The following PARVG variants were observed in gnomAD, a reference collection of about 807,000 sequenced individuals.
PARVG encodes the protein parvin gamma.
A neutral mutation model predicts 44.4 loss-of-function variants in PARVG; 36 were observed. The ratio of observed to expected loss-of-function variants is 0.81; its 90% CI spans 0.62 to 1.07. The LOEUF is 1.07. PARVG is among the 50% of genes least tolerant of loss of function. The pLI, the probability that PARVG is intolerant of heterozygous loss-of-function variation, is 0.00. For missense variants in PARVG, 407 were observed against 407.4 expected, an observed-to-expected ratio of 1.00 and a Z score of 0.01; for synonymous variants, 170 against 174.1, an observed-to-expected ratio of 0.98 and a Z score of 0.19.
In PARVG at chr22:44,201,962, G is replaced by C. The variant is rs757263360; in HGVS notation, c.813+3240G>C. On this transcript the variant is annotated intron_variant, in intron 12 of 13. Transcript: ENST00000444313. ...GCAGGCTGCCACTTCCATCGAAGCA[G>C]GCCCTGTGGCCTTGACAGTGACATG... is the stretch of plus-strand genomic sequence containing the variant. 7.2e-4 allele frequency among the ~76,000 whole-genome samples: 110 copies of C among 152,254 alleles called. 1 individual carries two copies. Among genetic ancestry groups the C allele is most frequent in the Non-Finnish European group, 1.5e-3 (102 of 68,044 alleles).
At position 44,189,154 on chromosome 22, in the gene PARVG, C is replaced by T. The variant is rs2147225868; in HGVS notation, c.288C>T (p.Ala96=). ...AALKLEAEDI[A]LTATSQKHKL... is the part of the protein sequence containing the mutation. Reference sequence around the variant, plus strand: ...TCAAGCTGGAAGCAGAGGACATCGCCCTGACAGCCACAAGCCAGAAGCACA... The same window carrying T: ...TCAAGCTGGAAGCAGAGGACATCGCTCTGACAGCCACAAGCCAGAAGCACA... The change falls in exon 6 of 14, where the codon GCC becomes GCT. Residue 96 remains alanine (A), a synonymous_variant. Transcript: ENST00000444313. 6.2e-7 allele frequency: 1 copy of T among 1,614,142 alleles called. No individual in the cohort carries two copies. Among genetic ancestry groups the T allele is most frequent in the Middle Eastern group, 1.6e-4 (1 of 6,062 alleles).
Position 44,205,825 on chromosome 22 carries a change from T to C in PARVG, c.882T>C (p.Pro294=). 6.2e-7 allele frequency: 1 copy of C among 1,612,950 alleles called. No individual in the cohort carries two copies. Among genetic ancestry groups the C allele is most frequent in the Non-Finnish European group, 8.5e-7 (1 of 1,179,856 alleles). The change falls in exon 13 of 14, where the codon CCT becomes CCC. Residue 294 remains proline, a synonymous_variant. Transcript: ENST00000444313. ...GCCTGCTCAGCTGCCCTGTCAGCCC[T>C]GAAGGTGAGTGCAAGGCAGATGCCC... The part of the protein sequence containing the change: ...DEGLLSCPVS[P]EDIVNKDAKS...
At chr22:44,174,403 T>TAA (rs2054299123) in intron 1 of PARVG, among the ~76,000 whole-genome samples, 1 of 152,064 alleles carries the variant, frequency 6.6e-6, no homozygotes, top group African/African-American at 2.4e-5. Context: ...TTGTCTATTA[T>TAA]AAAAATTGGT....
rs373680630 is a variant in PARVG at position 44,181,725 on chromosome 22, C to G, written c.-188-17C>G. The G allele has an allele frequency of 5.2e-5, 51 of 985,408 alleles. No individual in the cohort carries two copies. In the East Asian group the frequency reaches 1.1e-3, roughly 22 times the overall value. 61.0% of individuals were successfully genotyped at this position (985,408 alleles called of 1,614,324 possible). A position where few individuals can be genotyped will look rare whatever the true frequency, so the allele number is the denominator to read the frequency against. On this transcript the variant is annotated splice_polypyrimidine_tract_variant and intron_variant, in intron 1 of 13. Coordinates refer to ENST00000444313, the MANE Select transcript of PARVG (RefSeq NM_022141.7). ...CTTCACTTTCACGGCATCCACCCCC[C>G]TCGGGCCCTGCCGCAGAGAGGAGGA...
At chr22:44,200,260 G>A (rs1445589524) in intron 12 of PARVG, among the ~76,000 whole-genome samples, 1 of 152,222 alleles carries the variant, frequency 6.6e-6, no homozygotes, top group Non-Finnish European at 1.5e-5. Flanking sequence ...AGGAAAGAGA[G>A]GTCCACGGGC....
intron 12 of PARVG, among the ~76,000 whole-genome samples, chr22:44,202,381 C>T (rs775897367): frequency 7.9e-5 from 12 of 152,192 alleles, no homozygotes; most frequent in South Asian, 4.1e-4. Flanking sequence ...GCCTGGGGCT[C>T]GGAACCCAGC....
In PARVG at chr22:44,181,387, T is replaced by A. The variant is rs558132112; in HGVS notation, c.-189+202T>A. The A allele has an allele frequency of 6.7e-5, 66 of 985,184 alleles. 1 individual carries two copies. The South Asian group carries it at 2.8e-3, about 41-fold the overall frequency. The allele number at this position is 985,184 out of a possible 1,614,324, so 61.0% of individuals were successfully genotyped here. On this transcript the variant is annotated intron_variant, in intron 1 of 13. Coordinates refer to ENST00000444313, the MANE Select transcript of PARVG (RefSeq NM_022141.7). The stretch of plus-strand genomic sequence containing the variant: ...AGAGTCCAGGTAGGAGTCTCCTGCG[T>A]GGTCCCGGGAGAGGAAGGGGCCTGG...
chr22:44,177,078 C>G (rs1286667830), upstream of PARVG, among the ~76,000 whole-genome samples: 3 of 152,104 alleles, frequency 2.0e-5, no homozygotes, highest in Admixed American at 1.3e-4. Context: ...GGGGACATAG[C>G]CAAACCATAT....
chr22:44,190,086 C>A (rs1189352072), intron 6 of PARVG, among the ~76,000 whole-genome samples: 2 of 152,154 alleles, frequency 1.3e-5, no homozygotes, highest in Non-Finnish European at 2.9e-5. Context: ...CAAGGTTGGG[C>A]GGTGAGGATT....
intron 12 of PARVG, among the ~76,000 whole-genome samples, chr22:44,202,076 C>T (rs1004577250): frequency 6.6e-6 from 1 of 152,242 alleles, no homozygotes; most frequent in Non-Finnish European, 1.5e-5. Flanking sequence ...AGCAAATCCT[C>T]ATGTTGGGTC....
rs766491660 is a variant in PARVG, at chr22:44,205,837, C to A, written c.886+8C>A. 6.2e-7 allele frequency: 1 copy of A among 1,612,462 alleles called. No individual in the cohort carries two copies. The highest frequency in any genetic ancestry group is 1.7e-5 in the Admixed American group (1 of 59,924). ...GCCCTGTCAGCCCTGAAGGTGAGTGCAAGGCAGATGCCCACACGGTGGCCA... is the reference window on the plus strand; with the variant it reads ...GCCCTGTCAGCCCTGAAGGTGAGTGAAAGGCAGATGCCCACACGGTGGCCA... On this transcript the variant is annotated splice_region_variant and intron_variant, in intron 13 of 13. Coordinates refer to ENST00000444313, the MANE Select transcript of PARVG (RefSeq NM_022141.7).
Position 44,193,687 on chromosome 22 carries a change from A to G in PARVG, c.561-114A>G, listed in dbSNP as rs2054580376. 3.7e-6 allele frequency: 5 copies of G among 1,349,962 alleles called. No individual in the cohort carries two copies. The East Asian group carries it at 1.2e-4, about 32-fold the overall frequency. 83.6% of individuals were successfully genotyped at this position (1,349,962 alleles called of 1,614,324 possible). On this transcript the variant is annotated intron_variant, in intron 8 of 13. Coordinates refer to ENST00000444313, the MANE Select transcript of PARVG (RefSeq NM_022141.7). ...CAAAGCTGCCAGGAAAACCACAAGC[A>G]TGCCAGTTTCTTTGCAACCTTGCCA...
chr22:44,200,845 A>C lies in PARVG; in HGVS notation c.813+2123A>C, dbSNP rs767996329. 2.8e-4 allele frequency among the ~76,000 whole-genome samples: 42 copies of C among 149,146 alleles called. 1 individual carries two copies. Among genetic ancestry groups the C allele is most frequent in the Middle Eastern group, 3.4e-3 (1 of 294 alleles). On this transcript the variant is annotated intron_variant, in intron 12 of 13. Transcript: ENST00000444313. ...GAGGTCCCCCCTGGACCCCTACCAG[A>C]CTCCCCCTCCACCTAGGCCCTTCTT...
At chr22:44,186,674 T>G (rs186391677) in intron 4 of PARVG, 2 of 470,974 alleles carry the variant, frequency 4.2e-6, no homozygotes, top group East Asian at 6.9e-5. Context: ...CAGCTCGGTC[T>G]CCTCCACAGG....
intron 5 of PARVG, chr22:44,188,170 G>A: frequency 2.3e-6 from 1 of 442,420 alleles, no homozygotes; most frequent in South Asian, 2.5e-5. Context: ...CTGTTTTGAG[G>A]TGCTGGGAGG....
In PARVG at chr22:44,183,386, A is replaced by G. The variant is rs1255676049; in HGVS notation, c.57A>G (p.Pro19=). 6.2e-7 allele frequency: 1 copy of G among 1,606,996 alleles called. No homozygotes were observed. Among genetic ancestry groups the G allele is most frequent in the East Asian group, 2.2e-5 (1 of 44,658 alleles). ...AGCTCCCCAAGGGGGTGGAGCCCCC[A>G]GCGGAGGAGGAGCTCTCAAAAGGTG... is the stretch of plus-strand genomic sequence containing the variant. ...LLQLPKGVEP[P]AEEELSKGGK... The change falls in exon 3 of 14, where the codon CCA becomes CCG. Residue 19 remains proline, a synonymous_variant. Coordinates refer to ENST00000444313, the MANE Select transcript of PARVG (RefSeq NM_022141.7).
intron 4 of PARVG, chr22:44,186,148 G>A (rs74445507): frequency 3.3e-4 from 108 of 327,130 alleles, no homozygotes; most frequent in Admixed American, 6.2e-4. Context: ...CTTACATCCC[G>A]GGGACAGGAC....
intron 12 of PARVG, among the ~76,000 whole-genome samples, chr22:44,204,173 G>A (rs549952051): frequency 1.7e-4 from 26 of 152,266 alleles, no homozygotes; most frequent in African/African-American, 5.8e-4. Context: ...GACTACAGAG[G>A]AGCGGCCCTG....
rs2054515495 is a variant in PARVG at position 44,189,186 on chromosome 22, CAGT to C, written c.321_323del (p.Val109del). 2 of 1,614,132 alleles carry C rather than the reference CAGT, an allele frequency of 1.2e-6. No homozygotes were observed. Among genetic ancestry groups the C allele is most frequent in the Admixed American group, 1.7e-5 (1 of 60,016 alleles). On this transcript the variant is annotated inframe_deletion, in exon 6 of 14. Coordinates refer to ENST00000444313, the MANE Select transcript of PARVG (RefSeq NM_022141.7). ...GCCACAAGCCAGAAGCACAAGCTCACAGTGGTGCTGGAGGCCGTGAACCGGAGT... is the reference window on the plus strand; with the variant it reads ...GCCACAAGCCAGAAGCACAAGCTCACGGTGCTGGAGGCCGTGAACCGGAGT...
Sources: gnomAD v4.1 joint callset for allele counts (sites outside exome capture counted in the v4.1 genomes callset) on GRCh38, gnomAD v4.1.1 for gene constraint, MANE v1.5 for transcripts, NCBI Gene and HGNC (gene_info 2026-07-23, HGNC 2026-07-21) for gene names.